Variants in BAZ2B observed in about 807,000 individuals in gnomAD.
BAZ2B encodes the protein bromodomain adjacent to zinc finger domain 2B.
In BAZ2B, 91 loss-of-function variants were observed where a neutral mutation model predicts 246.0. The ratio of observed to expected loss-of-function variants is 0.37; its 90% CI spans 0.31 to 0.44. The LOEUF (loss-of-function observed/expected upper bound fraction) is 0.44. Among genes scored for constraint, BAZ2B ranks in the 20% least tolerant of loss-of-function variants. BAZ2B has a pLI of 1.00. For missense variants in BAZ2B, 2,332 were observed against 2,533.7 expected (o/e 0.92, Z 1.71); for synonymous variants, 855 against 860.0 (o/e 0.99, Z 0.10).
intron 2 of BAZ2B, among the ~76,000 whole-genome samples, chr2:159,480,523 G>C (rs2079114162): frequency 6.6e-6 from 1 of 152,056 alleles, no homozygotes; most frequent in African/African-American, 2.4e-5. Flanking sequence ...TACTTTCCCT[G>C]AAGAATTAAT....
chr2:159,642,419 G>C, the BAZ2B span, among the ~76,000 whole-genome samples: 5 of 151,682 alleles, frequency 3.3e-5, no homozygotes, highest in African/African-American at 9.7e-5. Flanking sequence ...TGTATTTTTA[G>C]TGCAGATGGG....
chr2:159,549,761 C>T (rs2087882763), intron 2 of BAZ2B, among the ~76,000 whole-genome samples: 1 of 132,292 alleles, frequency 7.6e-6, no homozygotes, highest in South Asian at 2.4e-4. Context: ...TCAAATAAAA[C>T]AAGTGAGATG....
At chr2:159,639,300 A>C in the BAZ2B span, among the ~76,000 whole-genome samples, 3 of 152,236 alleles carry the variant, frequency 2.0e-5, no homozygotes, top group Non-Finnish European at 4.4e-5. Context: ...GGATTTCCTC[A>C]ATCTGAAAGA....
chr2:159,508,770 G>A (rs1346744975), intron 2 of BAZ2B, among the ~76,000 whole-genome samples: 2 of 151,986 alleles, frequency 1.3e-5, no homozygotes, highest in Admixed American at 6.6e-5. Flanking sequence ...ATTACTCTCC[G>A]ATGTCCTAAA....
the BAZ2B span, among the ~76,000 whole-genome samples, chr2:159,704,239 A>G: frequency 1.3e-5 from 2 of 152,230 alleles, no homozygotes; most frequent in African/African-American, 2.4e-5. Flanking sequence ...ATGATATACA[A>G]AAGTACAGAT....
At chr2:159,370,346 A>C (rs2149382020) in intron 27 of BAZ2B, among the ~76,000 whole-genome samples, 1 of 150,506 alleles carries the variant, frequency 6.6e-6, no homozygotes, top group South Asian at 2.1e-4. Context: ...TAAAAAAAAA[A>C]CTGCTCTTAA....
chr2:159,667,398 C>T, the BAZ2B span, among the ~76,000 whole-genome samples: 5 of 151,964 alleles, frequency 3.3e-5, no homozygotes, highest in South Asian at 4.2e-4. Context: ...AAGTTTGAGA[C>T]CAGCCTGGCC....
At position 159,430,947 on chromosome 2, in the gene BAZ2B, C is replaced by A. The variant is rs749786335; in HGVS notation, c.2110G>T (p.Ala704Ser). The A allele has an allele frequency of 2.5e-6, 4 of 1,613,860 alleles. No individual in the cohort carries two copies. The highest frequency in any genetic ancestry group is 2.7e-5 in the African/African-American group (2 of 74,902). Reference protein sequence around the residue: ...NLHIAKAPGSAPAALCSESQS... With the variant: ...NLHIAKAPGSSPAALCSESQS... ...GATTCAGAACATAAGGCAGCAGGAGCAGAGCCTGGGGCTTTTGCTATGTGG... is the reference window on the plus strand; with the variant it reads ...GATTCAGAACATAAGGCAGCAGGAGAAGAGCCTGGGGCTTTTGCTATGTGG... Residue 704 changes from alanine (A) to serine (S), a missense_variant, in exon 10 of 37, where the codon GCT becomes TCT. Physicochemically the swap from Ala to Ser is moderately conservative, Grantham distance 99. Around this residue, in one of 9 missense-constraint regions of BAZ2B, gnomAD observed 651 missense variants for 650.9 expected, o/e 1.00. Coordinates refer to ENST00000392783, the MANE Select transcript of BAZ2B (RefSeq NM_013450.4).
At chr2:159,528,724 A>T (rs575295177) in intron 2 of BAZ2B, among the ~76,000 whole-genome samples, 1 of 151,864 alleles carries the variant, frequency 6.6e-6, no homozygotes, top group South Asian at 2.1e-4. Flanking sequence ...ATGAAACAGC[A>T]ATCGATTGTA....
rs1366726803 is a variant in BAZ2B at position 159,332,406 on chromosome 2, G to A, written c.5943+134C>T. On this transcript the variant is annotated intron_variant, in intron 34 of 36. Coordinates refer to ENST00000392783, the MANE Select transcript of BAZ2B (RefSeq NM_013450.4). Reference sequence around the variant, plus strand: ...AGAGATTGAGGCCAGAGGATAGCTTGAGCCCAGGAGTTTTAGGCTGTAGTG... The same window carrying A: ...AGAGATTGAGGCCAGAGGATAGCTTAAGCCCAGGAGTTTTAGGCTGTAGTG... The A allele has an allele frequency of 4.9e-6, 4 of 822,750 alleles. No individual in the cohort carries two copies. In the Admixed American group the frequency reaches 1.2e-4, roughly 25 times the overall value. 51.0% of individuals were successfully genotyped at this position (822,750 alleles called of 1,614,324 possible).
the BAZ2B span, among the ~76,000 whole-genome samples, chr2:159,686,393 A>G: frequency 2.6e-5 from 4 of 152,210 alleles, no homozygotes; most frequent in Non-Finnish European, 4.4e-5. Flanking sequence ...CCTCTGCGGT[A>G]TTATTTCCAA....
At chr2:159,647,602 CAGTT>C in the BAZ2B span, among the ~76,000 whole-genome samples, 1 of 152,310 alleles carries the variant, frequency 6.6e-6, no homozygotes, top group East Asian at 1.9e-4. Flanking sequence ...TTAACCATCA[CAGTT>C]AGCCAATTCC....
chr2:159,358,670 C>A (rs1411892251), intron 27 of BAZ2B, among the ~76,000 whole-genome samples: 1 of 152,184 alleles, frequency 6.6e-6, no homozygotes, highest in Non-Finnish European at 1.5e-5. Context: ...TTCTTCTCAG[C>A]ACCACATCGC....
chr2:159,368,553 AAT>A (rs1385747255), intron 27 of BAZ2B, among the ~76,000 whole-genome samples: 1 of 152,202 alleles, frequency 6.6e-6, no homozygotes, highest in Non-Finnish European at 1.5e-5. Context: ...AATGTCTATT[AAT>A]ATGTCTATTA....
chr2:159,349,000 T>C lies in BAZ2B; in HGVS notation c.5137+7A>G. 1 of 1,613,446 alleles carries C rather than the reference T, an allele frequency of 6.2e-7. No homozygotes were observed. Among genetic ancestry groups the C allele is most frequent in the Non-Finnish European group, 8.5e-7 (1 of 1,179,496 alleles). ...TAAGTGGCTGTAAACCATCTCAATG[T>C]ACCTACCTTCTGGAATAGGTTTTGG... On this transcript the variant is annotated splice_region_variant and intron_variant, in intron 29 of 36. Coordinates refer to ENST00000392783, the MANE Select transcript of BAZ2B (RefSeq NM_013450.4).
At chr2:159,663,195 T>C in the BAZ2B span, among the ~76,000 whole-genome samples, 1 of 151,132 alleles carries the variant, frequency 6.6e-6, no homozygotes, top group African/African-American at 2.4e-5. Context: ...TTGTTGTTTT[T>C]TTTTTCTTTT....
At chr2:159,447,047 A>C in intron 5 of BAZ2B, 72 bp from the exon 6 acceptor site, 4 of 1,095,748 alleles carry the variant, frequency 3.7e-6, no homozygotes, top group Non-Finnish European at 5.0e-6. Flanking sequence ...GTACAGATAT[A>C]TGTACAGTTG....
intron 1 of BAZ2B, among the ~76,000 whole-genome samples, chr2:159,613,478 G>T (rs1170205344): frequency 1.2e-5 from 1 of 85,228 alleles, no homozygotes; most frequent in Non-Finnish European, 2.3e-5. Flanking sequence ...AAAAAAAAAA[G>T]ACTCTTCATC....
chr2:159,376,185 C>T (rs2061397000), intron 25 of BAZ2B, among the ~76,000 whole-genome samples: 1 of 152,096 alleles, frequency 6.6e-6, no homozygotes, highest in South Asian at 2.1e-4. Flanking sequence ...ATAATGTTAC[C>T]TACTACATGA....
Sources: gnomAD v4.1 joint callset for allele counts (sites outside exome capture counted in the v4.1 genomes callset) on GRCh38, gnomAD v4.1.1 for gene constraint, gnomAD v4.1.1 regional missense constraint, MANE v1.5 for transcripts, NCBI Gene and HGNC (gene_info 2026-07-23, HGNC 2026-07-21) for gene names.